Variants in SNTG2 observed in about 807,000 individuals in gnomAD.
The protein encoded by SNTG2 is gamma-2-syntrophin.
A neutral mutation model predicts 70.9 loss-of-function variants in SNTG2; 74 were observed. That is an observed-to-expected ratio of 1.04 (90% CI 0.86 to 1.27). SNTG2 has a LOEUF of 1.27. Among genes scored for constraint, SNTG2 ranks in the 50% most tolerant of loss-of-function variants. The probability of loss-of-function intolerance (pLI) is 0.00; values close to 1 mark genes in which losing one functional copy is unlikely to be tolerated. For missense variants in SNTG2, 717 were observed against 690.7 expected (o/e 1.04, Z -0.43); for synonymous variants, 278 against 273.8 (o/e 1.02, Z -0.15).
At chr2:1,145,054 G>A (rs1230688960) in intron 6 of SNTG2, among the ~76,000 whole-genome samples, 1 of 152,116 alleles carries the variant, frequency 6.6e-6, no homozygotes, top group African/African-American at 2.4e-5. Context: ...CAAAATTTGT[G>A]GGATGCAGTG....
rs191480163 is a variant in SNTG2 at position 1,283,341 on chromosome 2, C to G, written c.1284+15770C>G. Reference sequence around the variant, plus strand: ...GGCTGCTTGGGACCGGGGTGCCCACCCCTTTGCCTCCCTTTGGCCAACATG... The same window carrying G: ...GGCTGCTTGGGACCGGGGTGCCCACGCCTTTGCCTCCCTTTGGCCAACATG... On this transcript the variant is annotated intron_variant, in intron 14 of 16. Transcript: ENST00000308624. Among the ~76,000 whole-genome samples, 285 of 152,298 alleles carry G rather than the reference C, an allele frequency of 1.9e-3. 3 individuals are homozygous for G. The highest frequency in any genetic ancestry group is 6.4e-3 in the African/African-American group (266 of 41,570).
chr2:1,357,192 G>A (rs11211665), intron 16 of SNTG2, among the ~76,000 whole-genome samples: 109,734 of 151,946 alleles, frequency 0.72, 39,913 homozygotes, highest in East Asian at 0.94. Flanking sequence ...GATGTCTAGC[G>A]CTGTGTTGAA....
Position 976,235 on chromosome 2 carries a change from G to A in SNTG2, c.72+25167G>A, listed in dbSNP as rs569273863. ...AATTATGGATCTTTTGAAGTGGAAA[G>A]TTCTATCAATTCTGTAAAATTTTAT... On this transcript the variant is annotated intron_variant, in intron 1 of 16. Transcript: ENST00000308624. Among the ~76,000 whole-genome samples, 5 of 152,344 alleles carry A rather than the reference G, an allele frequency of 3.3e-5. No individual in the cohort carries two copies. The South Asian group carries it at 8.3e-4, about 25-fold the overall frequency.
intron 1 of SNTG2, among the ~76,000 whole-genome samples, chr2:1,051,521 C>G (rs915518333): frequency 2.0e-5 from 3 of 152,192 alleles, no homozygotes; most frequent in Non-Finnish European, 4.4e-5. Flanking sequence ...CTCCCCTGTG[C>G]AACCCATCTG....
chr2:982,838 A>G (rs1237591167), intron 1 of SNTG2, among the ~76,000 whole-genome samples: 2 of 152,090 alleles, frequency 1.3e-5, no homozygotes, highest in African/African-American at 4.8e-5. Context: ...GGAAGTCCCA[A>G]GGTGCAGAGA....
chr2:1,204,919 T>C (rs924464974), intron 8 of SNTG2, among the ~76,000 whole-genome samples: 1 of 152,178 alleles, frequency 6.6e-6, no homozygotes, highest in African/African-American at 2.4e-5. Context: ...AGATTTGTCT[T>C]CAGATTCCAC....
chr2:1,207,617 G>A (rs1490284678), intron 8 of SNTG2, among the ~76,000 whole-genome samples: 3 of 151,992 alleles, frequency 2.0e-5, no homozygotes, highest in East Asian at 1.9e-4. Flanking sequence ...TAGCACAGAC[G>A]AAAAATAAAT....
chr2:1,075,096 C>T (rs13020106), intron 1 of SNTG2, among the ~76,000 whole-genome samples: 12,860 of 152,178 alleles, frequency 0.085, 733 homozygotes, highest in Non-Finnish European at 0.13. Context: ...AAGAATAATG[C>T]ACATAAAAGA....
At chr2:1,168,287 C>T (rs1394602298) in intron 7 of SNTG2, among the ~76,000 whole-genome samples, 2 of 151,520 alleles carry the variant, frequency 1.3e-5, no homozygotes, top group Non-Finnish European at 2.9e-5. Flanking sequence ...AGCCTAGAAG[C>T]CGCCCACAGA....
chr2:1,359,110 G>A (rs550713649), intron 16 of SNTG2, among the ~76,000 whole-genome samples: 37 of 152,088 alleles, frequency 2.4e-4, no homozygotes, highest in Admixed American at 2.4e-3. Flanking sequence ...ATATCTTGGA[G>A]ATGGGACCCA....
intron 2 of SNTG2, among the ~76,000 whole-genome samples, chr2:1,085,209 G>A (rs1664604881): frequency 6.6e-6 from 1 of 152,118 alleles, no homozygotes; most frequent in African/African-American, 2.4e-5. Context: ...AATCAAGGAA[G>A]CTTTCGTAAT....
chr2:1,270,412 C>A (rs907919755), intron 14 of SNTG2, among the ~76,000 whole-genome samples: 1 of 152,212 alleles, frequency 6.6e-6, no homozygotes, highest in African/African-American at 2.4e-5. Flanking sequence ...AGGCTGGATG[C>A]ATTGCACGTA....
intron 1 of SNTG2, among the ~76,000 whole-genome samples, chr2:1,050,638 G>A (rs1320788454): frequency 1.3e-5 from 2 of 152,102 alleles, no homozygotes; most frequent in Non-Finnish European, 2.9e-5. Context: ...CTTGACTATA[G>A]TTGGCCCTTT....
intron 6 of SNTG2, among the ~76,000 whole-genome samples, chr2:1,141,960 CAT>C (rs60703203): frequency 0.99 from 150,315 of 152,208 alleles, 74,251 homozygotes; most frequent in East Asian, 1. Flanking sequence ...GGTCCAGCAG[CAT>C]TTTTTGTCCA....
At chr2:1,060,151 T>G (rs1662717950) in intron 1 of SNTG2, among the ~76,000 whole-genome samples, 1 of 152,070 alleles carries the variant, frequency 6.6e-6, no homozygotes, top group African/African-American at 2.4e-5. Flanking sequence ...ACTAAAAGAC[T>G]TTAGGGATAA....
At chr2:1,165,854 C>CGTGCTTCTCGACT (rs891600357) in intron 7 of SNTG2, among the ~76,000 whole-genome samples, 2 of 152,138 alleles carry the variant, frequency 1.3e-5, no homozygotes, top group East Asian at 3.9e-4. Context: ...GTTATCAGAC[C>CGTGCTTCTCGACT]GTGCTTCTCG....
chr2:1,231,449 A>G (rs1266323401), intron 9 of SNTG2, among the ~76,000 whole-genome samples: 1 of 152,224 alleles, frequency 6.6e-6, no homozygotes, highest in Non-Finnish European at 1.5e-5. Context: ...TGCTGCCACT[A>G]TCATATATGA....
intron 16 of SNTG2, among the ~76,000 whole-genome samples, chr2:1,324,016 C>A (rs561237705): frequency 3.4e-4 from 51 of 152,042 alleles, no homozygotes; most frequent in African/African-American, 9.9e-4. Flanking sequence ...AGCTGAGACT[C>A]CCCCATAGGC....
At chr2:1,049,763 A>G (rs977279054) in intron 1 of SNTG2, among the ~76,000 whole-genome samples, 7 of 152,220 alleles carry the variant, frequency 4.6e-5, no homozygotes, top group East Asian at 1.9e-4. Context: ...CTCACCAGCA[A>G]TGAATGAGAG....
Sources: allele counts gnomAD v4.1 joint callset (sites outside exome capture counted in the v4.1 genomes callset), GRCh38; gene constraint gnomAD v4.1.1; transcripts MANE v1.5; gene names NCBI Gene and HGNC (gene_info 2026-07-23, HGNC 2026-07-21).